The following COL19A1 variants were observed in gnomAD, a reference collection of about 807,000 sequenced individuals.
The protein encoded by COL19A1 is collagen alpha-1(XIX) chain.
In COL19A1, 159 loss-of-function variants were observed where a neutral mutation model predicts 190.2. That is an observed-to-expected ratio of 0.84 (90% CI 0.73 to 0.95). COL19A1 has a LOEUF of 0.95. Ranked by LOEUF, COL19A1 falls within the 40% of genes least tolerant of loss-of-function variation. COL19A1 has a pLI of 0.00. For synonymous variants in COL19A1, 509 were observed against 458.9 expected (o/e 1.11, Z -1.39); for missense variants, 1,418 against 1,431.9 (o/e 0.99, Z 0.16).
intron 47 of COL19A1, 109 bp downstream of exon 47, chr6:70,188,354 T>A: frequency 7.6e-7 from 1 of 1,309,504 alleles, no homozygotes; most frequent in Non-Finnish European, 1.0e-6. Context: ...AAACCTAAAC[T>A]GGTCCCCGTG....
intron 11 of COL19A1, among the ~76,000 whole-genome samples, chr6:69,971,921 T>C (rs1387454577): frequency 6.6e-6 from 1 of 152,224 alleles, no homozygotes; most frequent in African/African-American, 2.4e-5. Context: ...AAACTATTCA[T>C]GTGGCTTCTA....
intron 3 of COL19A1, among the ~76,000 whole-genome samples, chr6:69,899,498 G>T (rs1400347546): frequency 2.6e-5 from 4 of 151,650 alleles, no homozygotes; most frequent in African/African-American, 7.3e-5. Context: ...CCGAAAGCAG[G>T]GTTCTATATG....
rs566308294 is a variant in COL19A1, at chr6:70,077,127, A to G, written c.1224+8651A>G. Reference sequence around the variant, plus strand: ...AGCCAGCAAATTATGTTTCCAATAAATAAGCCCTCAACTTTGTAAAACTCT... The same window carrying G: ...AGCCAGCAAATTATGTTTCCAATAAGTAAGCCCTCAACTTTGTAAAACTCT... On this transcript the variant is annotated intron_variant, in intron 15 of 50. Coordinates refer to ENST00000620364, the MANE Select transcript of COL19A1 (RefSeq NM_001858.6). Among the ~76,000 whole-genome samples the G allele has an allele frequency of 3.9e-5, 6 of 152,336 alleles. No homozygotes were observed. The South Asian group carries it at 1.0e-3, about 26-fold the overall frequency.
intron 42 of COL19A1, among the ~76,000 whole-genome samples, 186 bp from the exon 43 acceptor site, chr6:70,180,125 AT>A (rs1766076629): frequency 6.6e-6 from 1 of 152,150 alleles, no homozygotes; most frequent in Non-Finnish European, 1.5e-5. Context: ...ACCTCAAGTG[AT>A]CCATCCACCT....
intron 11 of COL19A1, among the ~76,000 whole-genome samples, chr6:69,980,751 G>A (rs1453709111): frequency 6.6e-6 from 1 of 152,180 alleles, no homozygotes; most frequent in Non-Finnish European, 1.5e-5. Context: ...TCTAATGCTA[G>A]TAAACATGTG....
Position 70,209,418 on chromosome 6 carries a change from T to C in COL19A1, c.*2144T>C, listed in dbSNP as rs1035316650. 6.6e-6 allele frequency: 1 copy of C among 152,160 alleles called. No individual in the cohort carries two copies. The highest frequency in any genetic ancestry group is 2.4e-5 in the African/African-American group (1 of 41,434). The allele number at this position is 152,160 out of a possible 1,614,324, so 9.4% of individuals were successfully genotyped here. ...TGCTGATGGTAATCAACTTTTTTTG[T>C]TTTTTGGTTTTTGAGTTGTTCTTGT... On this transcript the variant is annotated 3_prime_UTR_variant, in exon 51 of 51. Transcript: ENST00000620364.
At chr6:70,170,205 G>A (rs899071433) in intron 40 of COL19A1, among the ~76,000 whole-genome samples, 2 of 152,088 alleles carry the variant, frequency 1.3e-5, no homozygotes, top group Admixed American at 1.3e-4. Flanking sequence ...ATGAAACTTT[G>A]AAGTTACTCT....
chr6:69,920,357 G>T (rs544864813), intron 4 of COL19A1, among the ~76,000 whole-genome samples: 1 of 152,078 alleles, frequency 6.6e-6, no homozygotes, highest in Non-Finnish European at 1.5e-5. Flanking sequence ...GATTAAACAG[G>T]GGGCTGCTGT....
At chr6:70,176,606 T>C in intron 42 of COL19A1, 42 bp downstream of exon 42, 1 of 1,603,464 alleles carries the variant, frequency 6.2e-7, no homozygotes, top group Non-Finnish European at 8.5e-7. Flanking sequence ...AGGTAAACGG[T>C]TCTATCTCCA....
Position 69,938,219 on chromosome 6 carries a change from A to G in COL19A1, c.936+119A>G, listed in dbSNP as rs60011987. ...ATATATGTTTCTATAAAAGGCTATC[A>G]AAGACTATATTAAAATGCTGATTAC... On this transcript the variant is annotated intron_variant, in intron 9 of 50. Coordinates refer to ENST00000620364, the MANE Select transcript of COL19A1 (RefSeq NM_001858.6). The G allele has an allele frequency of 7.8e-3, 7,306 of 930,898 alleles. 188 individuals carry two copies. Among genetic ancestry groups the G allele is most frequent in the African/African-American group, 0.068 (4,069 of 59,476 alleles). 57.7% of individuals were successfully genotyped at this position (930,898 alleles called of 1,614,324 possible).
intron 11 of COL19A1, among the ~76,000 whole-genome samples, chr6:70,017,453 G>A (rs1778179840): frequency 6.6e-6 from 1 of 152,040 alleles, no homozygotes; most frequent in Non-Finnish European, 1.5e-5. Context: ...CACCCTACAT[G>A]TACAGTGTAT....
intron 15 of COL19A1, among the ~76,000 whole-genome samples, chr6:70,075,623 T>C (rs1055375562): frequency 1.3e-5 from 2 of 152,182 alleles, no homozygotes; most frequent in Non-Finnish European, 2.9e-5. Context: ...GCCCAGACTT[T>C]GTGATCACAG....
chr6:70,035,938 C>A lies in COL19A1; in HGVS notation c.1169C>A (p.Pro390His), dbSNP rs1779331625. 2 of 1,613,056 alleles carry A rather than the reference C, an allele frequency of 1.2e-6. No homozygotes were observed. The highest frequency in any genetic ancestry group is 2.2e-5 in the South Asian group (2 of 91,042). ...DTGPPGPPAL[P>H]GSLGIQGPQG... is the part of the protein sequence containing the mutation. ...GGACCCCCAGGACCACCAGCCTTAC[C>A]TGTAAGTATTCTTGAAATCAAAATT... The change falls in exon 14 of 51, where the codon CCT becomes CAT. Residue 390 changes from proline to histidine, a missense_variant and splice_region_variant. Pro to His is a moderately conservative substitution (Grantham distance 77). Transcript: ENST00000620364.
chr6:69,995,381 TAA>T (rs1209336716), intron 11 of COL19A1, among the ~76,000 whole-genome samples: 1 of 152,188 alleles, frequency 6.6e-6, no homozygotes, highest in Non-Finnish European at 1.5e-5. Flanking sequence ...CCTAGCTTTC[TAA>T]AAGAGAGTCT....
chr6:70,088,706 G>T (rs1227891569), intron 15 of COL19A1, among the ~76,000 whole-genome samples: 1 of 152,058 alleles, frequency 6.6e-6, no homozygotes, highest in Non-Finnish European at 1.5e-5. Flanking sequence ...GGAAAGAAGA[G>T]AAATATTCTA....
At chr6:70,169,222 G>A (rs2150270230) in intron 40 of COL19A1, among the ~76,000 whole-genome samples, 1 of 152,292 alleles carries the variant, frequency 6.6e-6, no homozygotes, top group African/African-American at 2.4e-5. Context: ...GCCGCCTAAA[G>A]GACGATAATT....
intron 15 of COL19A1, among the ~76,000 whole-genome samples, chr6:70,092,614 A>C (rs1782999674): frequency 6.6e-6 from 1 of 152,110 alleles, no homozygotes; most frequent in Non-Finnish European, 1.5e-5. Context: ...TCCATTTCAA[A>C]ATTGGGTGAC....
intron 15 of COL19A1, among the ~76,000 whole-genome samples, chr6:70,086,273 A>AC (rs1782586664): frequency 1.3e-5 from 2 of 151,628 alleles, no homozygotes; most frequent in African/African-American, 4.8e-5. Context: ...CCCCTGCCCC[A>AC]CCCCCCTGAC....
intron 41 of COL19A1, among the ~76,000 whole-genome samples, chr6:70,173,269 A>G (rs1272801193): frequency 1.3e-5 from 2 of 152,222 alleles, no homozygotes; most frequent in African/African-American, 4.8e-5. Flanking sequence ...AAGTGGAGAT[A>G]TAAATTTGGC....
Sources: gnomAD v4.1 joint callset for allele counts (sites outside exome capture counted in the v4.1 genomes callset) on GRCh38, gnomAD v4.1.1 for gene constraint, MANE v1.5 for transcripts, NCBI Gene and HGNC (gene_info 2026-07-23, HGNC 2026-07-21) for gene names.